Variants in ANKHD1 observed in about 807,000 individuals in gnomAD.
ANKHD1 encodes ankyrin repeat and KH domain containing 1, also known as ankyrin repeat and KH domain-containing protein 1.
In ANKHD1, 31 loss-of-function variants were observed where a neutral mutation model predicts 230.5. The observed-to-expected ratio is 0.13, with a 90% CI of 0.10 to 0.18. The LOEUF is 0.18. ANKHD1 is among the 10% of genes least tolerant of loss of function. The pLI is 1.00. For synonymous variants in ANKHD1, 1,074 were observed against 1,117.6 expected (o/e 0.96, Z 0.78); for missense variants, 2,256 against 3,071.3 (o/e 0.73, Z 6.27).
chr5:140,412,330 A>AT (rs1055001063), intron 1 of ANKHD1, among the ~76,000 whole-genome samples: 4 of 151,504 alleles, frequency 2.6e-5, no homozygotes, highest in Non-Finnish European at 4.4e-5. Flanking sequence ...GTGCCCGGCT[A>AT]TTTTTTTTGT....
chr5:140,488,306 C>T (rs1162962574), intron 14 of ANKHD1, among the ~76,000 whole-genome samples: 3 of 152,030 alleles, frequency 2.0e-5, no homozygotes, highest in African/African-American at 4.8e-5. Context: ...AATCATTGGC[C>T]GGGCATGGTG....
At chr5:140,488,297 A>G (rs1228772836) in intron 14 of ANKHD1, among the ~76,000 whole-genome samples, 4 of 152,104 alleles carry the variant, frequency 2.6e-5, no homozygotes, top group Non-Finnish European at 4.4e-5. Context: ...CTAAATAAGA[A>G]TCATTGGCCG....
rs1754159285 is a variant in ANKHD1, at chr5:140,538,098, G to A, written c.7241G>A (p.Gly2414Asp). The A allele has an allele frequency of 6.2e-7, 1 of 1,610,642 alleles. No individual in the cohort carries two copies. The highest frequency in any genetic ancestry group is 8.5e-7 in the Non-Finnish European group (1 of 1,178,672). ...GVNAVSEGLS[G>D]WSQSVMGNHP... ...TTATTCTTTCCAGAAGGCTTATCAGGTTGGTCGCAATCTGTGATGGGGAAC... is the reference window on the plus strand; with the variant it reads ...TTATTCTTTCCAGAAGGCTTATCAGATTGGTCGCAATCTGTGATGGGGAAC... Residue 2414 changes from glycine (G) to aspartate (D), a missense_variant, in exon 32 of 34, where the codon GGT becomes GAT. Gly to Asp is a moderately conservative substitution (Grantham distance 94, BLOSUM62 -1). This residue lies in a region of ANKHD1 where 778 missense variants were observed against 966.5 expected (regional missense o/e 0.80). Coordinates refer to ENST00000360839, the MANE Select transcript of ANKHD1 (RefSeq NM_017747.3).
At position 140,528,505 on chromosome 5, in the gene ANKHD1, C is replaced by A; in HGVS notation, c.5559C>A (p.His1853Gln). 1 of 1,614,096 alleles carries A rather than the reference C, an allele frequency of 6.2e-7. No homozygotes were observed. The highest frequency in any genetic ancestry group is 8.5e-7 in the Non-Finnish European group (1 of 1,180,044). The change falls in exon 29 of 34, where the codon CAC becomes CAA. Residue 1853 changes from histidine (H) to glutamine (Q), a missense_variant. This residue lies in a region of ANKHD1 where 778 missense variants were observed against 966.5 expected (regional missense o/e 0.80). Coordinates refer to ENST00000360839, the MANE Select transcript of ANKHD1 (RefSeq NM_017747.3). ...TTTCTCTACCCTTAGCTTATCCTCA[C>A]CCTCATTTTGCCCTGCTGGCTGCTC... The part of the protein sequence containing the change: ...FPVSLPLAYP[H>Q]PHFALLAAQT...
At chr5:140,487,195 A>T in intron 14 of ANKHD1, 135 bp downstream of exon 14, 1 of 993,890 alleles carries the variant, frequency 1.0e-6, no homozygotes, top group Non-Finnish European at 1.3e-6. Flanking sequence ...AAATGCAAAT[A>T]GTCTTACTAT....
intron 14 of ANKHD1, among the ~76,000 whole-genome samples, chr5:140,488,150 CAT>C (rs1751588745): frequency 6.6e-6 from 1 of 152,146 alleles, no homozygotes; most frequent in South Asian, 2.1e-4. Context: ...CTGTAAGTAT[CAT>C]AATCAGCTGA....
intron 3 of ANKHD1, 33 bp downstream of exon 3, chr5:140,438,650 T>C (rs753069089): frequency 6.6e-7 from 1 of 1,508,132 alleles, no homozygotes. Flanking sequence ...ATATTAGACA[T>C]TTTCTTGAAT....
At chr5:140,508,138 A>T in intron 20 of ANKHD1, 140 bp downstream of exon 20, 2 of 1,191,608 alleles carry the variant, frequency 1.7e-6, no homozygotes, top group Admixed American at 3.0e-5. Context: ...ATTATGCTGT[A>T]TAATAGTGAG....
In ANKHD1 at chr5:140,500,331, C is replaced by A. The variant is rs550085569; in HGVS notation, c.3004+3053C>A. 1.8e-3 allele frequency among the ~76,000 whole-genome samples: 274 copies of A among 152,102 alleles called. 2 individuals are homozygous for A. The highest frequency in any genetic ancestry group is 4.6e-3 in the Admixed American group (71 of 15,274). On this transcript the variant is annotated intron_variant, in intron 15 of 33. Coordinates refer to ENST00000360839, the MANE Select transcript of ANKHD1 (RefSeq NM_017747.3). Reference sequence around the variant, plus strand: ...AATAATACTTTAAATAAGTCCTTTTCCCACCTCTATTTTTCTGTTGAAAAA... The same window carrying A: ...AATAATACTTTAAATAAGTCCTTTTACCACCTCTATTTTTCTGTTGAAAAA...
chr5:140,537,912 C>T (rs551085926), intron 31 of ANKHD1, among the ~76,000 whole-genome samples, 174 bp from the exon 32 acceptor site: 1 of 152,140 alleles, frequency 6.6e-6, no homozygotes, highest in South Asian at 2.1e-4. Flanking sequence ...GAGGACTTTA[C>T]CTAGTTTTTC....
intron 9 of ANKHD1, among the ~76,000 whole-genome samples, chr5:140,463,185 C>T (rs1472505715): frequency 5.3e-5 from 8 of 152,018 alleles, no homozygotes; most frequent in Admixed American, 5.2e-4. Context: ...TCATTTTGAA[C>T]TTTCAGATTT....
chr5:140,464,881 A>G (rs1051526471), intron 10 of ANKHD1, 105 bp downstream of exon 10: 2 of 1,174,884 alleles, frequency 1.7e-6, no homozygotes, highest in Non-Finnish European at 2.3e-6. Context: ...CTTTGTATAC[A>G]GTAACTTAAA....
In ANKHD1 at chr5:140,507,939, C is replaced by A. The variant is rs749795650; in HGVS notation, c.3706C>A (p.Arg1236=). 1 of 1,613,762 alleles carries A rather than the reference C, an allele frequency of 6.2e-7. No homozygotes were observed. Among genetic ancestry groups the A allele is most frequent in the African/African-American group, 1.3e-5 (1 of 74,860 alleles). ...TCTCACCCTGGCCTGTTTCCAGGGC[C>A]GAGCAGAAGTAGTGAGTTTGCTTCT... ...TALTLACFQG[R]AEVVSLLLDR... The change falls in exon 20 of 34, where the codon CGA becomes AGA. Residue 1236 remains arginine, a synonymous_variant. Transcript: ENST00000360839. This position sits in a 1 kb window ranked among gnomAD's most constrained non-coding sequence, Gnocchi z 4.1.
chr5:140,439,393 A>G (rs2126918227), intron 3 of ANKHD1, among the ~76,000 whole-genome samples: 1 of 152,266 alleles, frequency 6.6e-6, no homozygotes, highest in South Asian at 2.1e-4. Context: ...ACTAGAGGCC[A>G]GGCATGGTGG....
chr5:140,471,838 A>G (rs1218202815), intron 10 of ANKHD1, among the ~76,000 whole-genome samples: 1 of 152,174 alleles, frequency 6.6e-6, no homozygotes, highest in Non-Finnish European at 1.5e-5. Flanking sequence ...CTATGTAACT[A>G]TTTATCTTAC....
rs867391182 is a variant in ANKHD1 at position 140,485,808 on chromosome 5, T to G, written c.2142+76T>G. ...TAGAAGTTTTTGTTTAAAATCAGTT[T>G]TAAGCAAAATGGACTTGTTTTTATT... On this transcript the variant is annotated intron_variant, in intron 13 of 33. Coordinates refer to ENST00000360839, the MANE Select transcript of ANKHD1 (RefSeq NM_017747.3). The surrounding 1 kb of genome is among the most constrained non-coding windows in gnomAD (Gnocchi z 4.8). 3.8e-6 allele frequency: 6 copies of G among 1,571,516 alleles called. No homozygotes were observed. Among genetic ancestry groups the G allele is most frequent in the Non-Finnish European group, 4.3e-6 (5 of 1,163,950 alleles).
At chr5:140,493,678 A>G (rs1430700443) in intron 14 of ANKHD1, among the ~76,000 whole-genome samples, 1 of 152,166 alleles carries the variant, frequency 6.6e-6, no homozygotes, top group Non-Finnish European at 1.5e-5. Flanking sequence ...CAATTCCACT[A>G]ACTCCATGGC....
chr5:140,482,396 A>G, intron 10 of ANKHD1, among the ~76,000 whole-genome samples, 184 bp from the exon 11 acceptor site: 1 of 152,198 alleles, frequency 6.6e-6, no homozygotes, highest in Non-Finnish European at 1.5e-5. Flanking sequence ...GCCCTTAGAA[A>G]GTTACATTAT....
At chr5:140,459,965 A>G (rs1407823110) in intron 9 of ANKHD1, among the ~76,000 whole-genome samples, 1 of 152,180 alleles carries the variant, frequency 6.6e-6, no homozygotes, top group African/African-American at 2.4e-5. Context: ...ATGTTTGTGT[A>G]GTGACCATAA....
Sources: gnomAD v4.1 joint callset for allele counts (sites outside exome capture counted in the v4.1 genomes callset) on GRCh38, gnomAD v4.1.1 for gene constraint, gnomAD v4.1.1 regional missense constraint, Gnocchi (gnomAD v3.1) non-coding constraint, MANE v1.5 for transcripts, NCBI Gene and HGNC (gene_info 2026-07-23, HGNC 2026-07-21) for gene names.